The following SIL1 variants were observed in gnomAD, a reference collection of about 807,000 sequenced individuals.
SIL1 encodes SIL1 nucleotide exchange factor, also known as nucleotide exchange factor SIL1.
In SIL1, 40 loss-of-function variants were observed where a neutral mutation model predicts 49.1. The ratio of observed to expected loss-of-function variants is 0.81; its 90% CI spans 0.63 to 1.06. The LOEUF (loss-of-function observed/expected upper bound fraction) is 1.06. SIL1 is among the 50% of genes least tolerant of loss of function. SIL1 has a pLI of 0.00. For synonymous variants in SIL1, 253 were observed against 250.8 expected, an observed-to-expected ratio of 1.01 and a Z score of -0.08; for missense variants, 500 against 572.6, an observed-to-expected ratio of 0.87 and a Z score of 1.29.
chr5:139,049,468 C>A (rs569412853), intron 4 of SIL1, among the ~76,000 whole-genome samples: 1 of 152,102 alleles, frequency 6.6e-6, no homozygotes, highest in Non-Finnish European at 1.5e-5. Flanking sequence ...TGAGCCACCA[C>A]GCCCGACCTG....
At chr5:139,127,267 T>C (rs1305589033) in intron 2 of SIL1, among the ~76,000 whole-genome samples, 1 of 152,196 alleles carries the variant, frequency 6.6e-6, no homozygotes, top group Non-Finnish European at 1.5e-5. Context: ...TTGGAACTGA[T>C]GCCCACCACA....
intron 3 of SIL1, among the ~76,000 whole-genome samples, chr5:139,093,026 C>T (rs541656696): frequency 1.3e-5 from 2 of 152,172 alleles, no homozygotes; most frequent in East Asian, 3.9e-4. Context: ...AGTGGTGTGC[C>T]CCTATAGTCC....
chr5:139,073,988 T>C (rs957656854), intron 3 of SIL1, among the ~76,000 whole-genome samples: 1 of 152,156 alleles, frequency 6.6e-6, no homozygotes, highest in African/African-American at 2.4e-5. Flanking sequence ...ACCAAAAATA[T>C]GATAACTATG....
chr5:138,955,846 C>T (rs1288178232), intron 7 of SIL1, among the ~76,000 whole-genome samples: 2 of 152,192 alleles, frequency 1.3e-5, no homozygotes, highest in African/African-American at 2.4e-5. Context: ...GGTATGTGCA[C>T]GGAAATCCTG....
At chr5:139,163,107 G>C (rs1422938410) in intron 1 of SIL1, among the ~76,000 whole-genome samples, 1 of 151,782 alleles carries the variant, frequency 6.6e-6, no homozygotes, top group African/African-American at 2.4e-5. Context: ...GGGAGGTTAG[G>C]AGATAAAGCT....
chr5:139,106,325 T>G (rs1008142188), intron 3 of SIL1, among the ~76,000 whole-genome samples: 4 of 152,330 alleles, frequency 2.6e-5, no homozygotes, highest in East Asian at 3.8e-4. Context: ...CACGTGTGAC[T>G]AAAAGAGAAA....
At chr5:139,148,060 C>A (rs77903276) in intron 1 of SIL1, among the ~76,000 whole-genome samples, 6 of 151,766 alleles carry the variant, frequency 4.0e-5, no homozygotes, top group Non-Finnish European at 7.4e-5. Context: ...TAAATACATT[C>A]TGAGCATGGA....
chr5:139,076,378 C>T (rs1769948051), intron 3 of SIL1, among the ~76,000 whole-genome samples: 1 of 152,082 alleles, frequency 6.6e-6, no homozygotes, highest in Non-Finnish European at 1.5e-5. Context: ...TCAAGTTTTG[C>T]AAGGGTAGAA....
rs61744666 is a variant in SIL1, at chr5:138,951,267, C to T, written c.933G>A (p.Gly311=). The change falls in exon 9 of 10, where the codon GGG becomes GGA. Residue 311 remains glycine (G), a synonymous_variant. Coordinates refer to ENST00000394817, the MANE Select transcript of SIL1 (RefSeq NM_022464.5). The stretch of plus-strand genomic sequence containing the variant: ...CCAGGGTCCTCAGGACCTGCAGCCC[C>T]CCGAGCTTCAGGAACTGCCGCTGGG... The part of the protein sequence containing the change: ...PYAQRQFLKL[G]GLQVLRTLVQ... The T allele has an allele frequency of 5.7e-4, 901 of 1,585,182 alleles. 1 individual carries two copies. Among genetic ancestry groups the T allele is most frequent in the Non-Finnish European group, 7.3e-4 (852 of 1,165,082 alleles).
At chr5:138,961,420 G>C (rs1378277040) in intron 7 of SIL1, among the ~76,000 whole-genome samples, 1 of 152,212 alleles carries the variant, frequency 6.6e-6, no homozygotes, top group Non-Finnish European at 1.5e-5. Flanking sequence ...CATTCTCCTT[G>C]AGAGAGAAGG....
At chr5:139,015,447 T>C (rs1768377775) in intron 7 of SIL1, among the ~76,000 whole-genome samples, 1 of 152,212 alleles carries the variant, frequency 6.6e-6, no homozygotes, top group Non-Finnish European at 1.5e-5. Context: ...TTAACATTGA[T>C]CTTAAAAAAC....
intron 1 of SIL1, among the ~76,000 whole-genome samples, chr5:139,176,533 T>A (rs1029235145): frequency 6.6e-6 from 1 of 152,346 alleles, no homozygotes; most frequent in African/African-American, 2.4e-5. Flanking sequence ...TTAGACTGGA[T>A]AATTTATATA....
At chr5:139,179,570 A>C (rs1751946186) in intron 1 of SIL1, among the ~76,000 whole-genome samples, 1 of 152,172 alleles carries the variant, frequency 6.6e-6, no homozygotes, top group South Asian at 2.1e-4. Flanking sequence ...TAGGGTAGGC[A>C]GGTAGGGGGT....
At chr5:139,129,941 G>A (rs1750827233) in intron 1 of SIL1, among the ~76,000 whole-genome samples, 2 of 152,172 alleles carry the variant, frequency 1.3e-5, no homozygotes, top group South Asian at 4.1e-4. Context: ...TGAAAAGACA[G>A]AATGGGAGAA....
At chr5:139,090,906 G>A (rs1223543428) in intron 3 of SIL1, among the ~76,000 whole-genome samples, 1 of 152,044 alleles carries the variant, frequency 6.6e-6, no homozygotes, top group East Asian at 1.9e-4. Context: ...ACTGCACCTG[G>A]CCAAGTCAAA....
At chr5:139,068,611 C>T (rs867372907) in intron 3 of SIL1, among the ~76,000 whole-genome samples, 15 of 74,496 alleles carry the variant, frequency 2.0e-4, no homozygotes, top group African/African-American at 4.1e-4. Flanking sequence ...TACCTGAAAA[C>T]AAGAGAAGAG....
chr5:139,072,179 T>C (rs1034537245), intron 3 of SIL1, among the ~76,000 whole-genome samples: 7 of 152,050 alleles, frequency 4.6e-5, no homozygotes, highest in African/African-American at 1.7e-4. Flanking sequence ...ATAGGAAGGG[T>C]CCATTTGGGC....
chr5:138,949,788 G>C (rs1446973324), intron 9 of SIL1, among the ~76,000 whole-genome samples: 6 of 116,654 alleles, frequency 5.1e-5, no homozygotes, highest in South Asian at 5.8e-4. Flanking sequence ...GACAGAGAGA[G>C]ACCCTGTCTC....
At chr5:139,114,151 T>C (rs1202435756) in intron 3 of SIL1, among the ~76,000 whole-genome samples, 6 of 152,330 alleles carry the variant, frequency 3.9e-5, no homozygotes, top group African/African-American at 1.4e-4. Context: ...GCAGACATGC[T>C]TTGGTGTCAG....
Sources: gnomAD v4.1 joint callset for allele counts (sites outside exome capture counted in the v4.1 genomes callset) on GRCh38, gnomAD v4.1.1 for gene constraint, MANE v1.5 for transcripts, NCBI Gene and HGNC (gene_info 2026-07-23, HGNC 2026-07-21) for gene names.